The following MAN1A1 variants were observed in gnomAD, a reference collection of about 807,000 sequenced individuals.
MAN1A1 encodes mannosidase alpha class 1A member 1.
Under a neutral mutation model 70.8 loss-of-function variants are expected in MAN1A1, and 29 were observed. The ratio of observed to expected loss-of-function variants is 0.41; its 90% CI spans 0.31 to 0.56. MAN1A1 has a LOEUF of 0.56. Ranked by LOEUF, MAN1A1 falls within the 20% of genes least tolerant of loss-of-function variation. The pLI is 0.29. For missense variants in MAN1A1, 747 were observed against 841.3 expected, an observed-to-expected ratio of 0.89 and a Z score of 1.39; for synonymous variants, 349 against 330.1, an observed-to-expected ratio of 1.06 and a Z score of -0.62.
At chr6:119,240,309 T>C (rs1268644164) in intron 6 of MAN1A1, among the ~76,000 whole-genome samples, 2 of 152,198 alleles carry the variant, frequency 1.3e-5, no homozygotes, top group African/African-American at 2.4e-5. Context: ...TACCCTTAAA[T>C]TGTAGAACTT....
At chr6:119,259,864 CAAT>C (rs1775560119) in intron 5 of MAN1A1, among the ~76,000 whole-genome samples, 1 of 152,090 alleles carries the variant, frequency 6.6e-6, no homozygotes, top group Admixed American at 6.5e-5. Context: ...TTTTCTTAAA[CAAT>C]GAATACATTC....
intron 6 of MAN1A1, among the ~76,000 whole-genome samples, chr6:119,232,828 C>T (rs1774725740): frequency 6.6e-6 from 1 of 151,936 alleles, no homozygotes; most frequent in Non-Finnish European, 1.5e-5. Flanking sequence ...TGACTCCTGC[C>T]TCTTCTCTTT....
intron 2 of MAN1A1, among the ~76,000 whole-genome samples, chr6:119,315,446 T>A (rs1464079913): frequency 6.6e-6 from 1 of 152,182 alleles, no homozygotes; most frequent in African/African-American, 2.4e-5. Flanking sequence ...TTCTAAGAAG[T>A]ATCTCGTTCT....
At chr6:119,261,956 T>C (rs1775625938) in intron 5 of MAN1A1, among the ~76,000 whole-genome samples, 1 of 151,822 alleles carries the variant, frequency 6.6e-6, no homozygotes, top group Non-Finnish European at 1.5e-5. Flanking sequence ...AAGCTCTAAG[T>C]GGAAAAAACA....
chr6:119,342,107 TG>T (rs1234551068), intron 2 of MAN1A1, among the ~76,000 whole-genome samples: 2 of 152,200 alleles, frequency 1.3e-5, no homozygotes, highest in Non-Finnish European at 2.9e-5. Context: ...AAGCTGAAGA[TG>T]TATATGCAGT....
intron 5 of MAN1A1, among the ~76,000 whole-genome samples, chr6:119,268,474 T>A (rs1443412939): frequency 6.6e-6 from 1 of 151,904 alleles, no homozygotes; most frequent in Non-Finnish European, 1.5e-5. Context: ...GAGTATAGGA[T>A]AAGGTGGGAA....
At chr6:119,197,808 T>C (rs2114941378) in intron 8 of MAN1A1, among the ~76,000 whole-genome samples, 1 of 152,136 alleles carries the variant, frequency 6.6e-6, no homozygotes, top group Admixed American at 6.5e-5. Context: ...TTTTGTTTTT[T>C]TTTTCCATCA....
intron 6 of MAN1A1, chr6:119,210,820 T>C (rs1714712013): frequency 2.3e-6 from 1 of 435,118 alleles, no homozygotes. Flanking sequence ...GAATGTGTAT[T>C]AGAGACATAA....
At chr6:119,309,818 A>G (rs1379060494) in intron 2 of MAN1A1, among the ~76,000 whole-genome samples, 3 of 152,248 alleles carry the variant, frequency 2.0e-5, no homozygotes, top group Non-Finnish European at 2.9e-5. Flanking sequence ...GGTATAAGGC[A>G]TTAAAGAAAT....
chr6:119,203,896 A>G (rs944227312), intron 7 of MAN1A1, among the ~76,000 whole-genome samples: 1 of 152,068 alleles, frequency 6.6e-6, no homozygotes, highest in Non-Finnish European at 1.5e-5. Flanking sequence ...TAGAGTATAG[A>G]GATGGTATGT....
intron 6 of MAN1A1, among the ~76,000 whole-genome samples, chr6:119,225,055 A>G (rs145076861): frequency 2.6e-5 from 4 of 152,060 alleles, no homozygotes; most frequent in Non-Finnish European, 5.9e-5. Flanking sequence ...TGAACCCGGG[A>G]GGCAGAGGTT....
chr6:119,184,474 T>A (rs1283066300), intron 11 of MAN1A1, among the ~76,000 whole-genome samples: 2 of 151,734 alleles, frequency 1.3e-5, no homozygotes. Context: ...ATCCGTGGAG[T>A]AAGGCTGTCT....
At chr6:119,207,536 G>A (rs145290312) in intron 6 of MAN1A1, among the ~76,000 whole-genome samples, 6 of 152,262 alleles carry the variant, frequency 3.9e-5, no homozygotes, top group South Asian at 2.1e-4. Flanking sequence ...ACCACATGCC[G>A]CCACAGCTGA....
At chr6:119,349,987 C>A (rs1396476987), upstream of MAN1A1, among the ~76,000 whole-genome samples, 1 of 152,084 alleles carries the variant, frequency 6.6e-6, no homozygotes, top group Non-Finnish European at 1.5e-5. Context: ...AGGCGGGAGC[C>A]GCGGTGAGGA....
At chr6:119,235,781 C>A (rs1774825780) in intron 6 of MAN1A1, among the ~76,000 whole-genome samples, 1 of 152,172 alleles carries the variant, frequency 6.6e-6, no homozygotes, top group Admixed American at 6.5e-5. Flanking sequence ...GCTGACTCTC[C>A]TGTTAGGGTC....
intron 2 of MAN1A1, among the ~76,000 whole-genome samples, chr6:119,323,858 A>G (rs1262987274): frequency 6.6e-6 from 1 of 152,222 alleles, no homozygotes; most frequent in Non-Finnish European, 1.5e-5. Context: ...TATTCAATAT[A>G]CCTACGGGAT....
intron 2 of MAN1A1, among the ~76,000 whole-genome samples, chr6:119,343,441 A>C (rs1773647434): frequency 6.6e-6 from 1 of 152,214 alleles, no homozygotes; most frequent in Admixed American, 6.5e-5. Flanking sequence ...GATCTCATTC[A>C]GATGCAATAC....
chr6:119,224,179 G>A (rs1396105688), intron 6 of MAN1A1, among the ~76,000 whole-genome samples: 1 of 152,162 alleles, frequency 6.6e-6, no homozygotes, highest in East Asian at 1.9e-4. Context: ...CTATAAGGGA[G>A]ACACTGGGGA....
intron 6 of MAN1A1, among the ~76,000 whole-genome samples, chr6:119,236,897 T>TA (rs35611987): frequency 0.42 from 63,308 of 150,310 alleles, 13,667 homozygotes; most frequent in East Asian, 0.67. Context: ...TGGGAGGAAG[T>TA]AAAAAAAAAA....
Sources: allele counts gnomAD v4.1 joint callset (sites outside exome capture counted in the v4.1 genomes callset), GRCh38; gene constraint gnomAD v4.1.1; transcripts MANE v1.5; gene names NCBI Gene and HGNC (gene_info 2026-07-23, HGNC 2026-07-21).